Variants in LNX1 observed in about 807,000 individuals in gnomAD.
LNX1 encodes the protein E3 ubiquitin-protein ligase LNX.
A neutral mutation model predicts 68.4 loss-of-function variants in LNX1; 54 were observed. The ratio of observed to expected loss-of-function variants is 0.79; its 90% CI spans 0.63 to 0.99. LNX1 has a LOEUF of 0.99. Among genes scored for constraint, LNX1 ranks in the 50% least tolerant of loss-of-function variants. The probability of loss-of-function intolerance (pLI) is 0.00; values close to 1 mark genes in which losing one functional copy is unlikely to be tolerated. For missense variants in LNX1, 906 were observed against 926.4 expected (o/e 0.98, Z 0.29); for synonymous variants, 336 against 350.0 (o/e 0.96, Z 0.45).
chr4:53,519,633 T>G (rs1727055430), intron 2 of LNX1, among the ~76,000 whole-genome samples: 1 of 144,280 alleles, frequency 6.9e-6, no homozygotes, highest in Non-Finnish European at 1.5e-5. Context: ...TCTTGTTGAT[T>G]TAAGCCCTGT....
At chr4:53,627,635 A>T (rs1394583385) in intron 1 of LNX1, among the ~76,000 whole-genome samples, 1 of 152,240 alleles carries the variant, frequency 6.6e-6, no homozygotes, top group Non-Finnish European at 1.5e-5. Flanking sequence ...AAATAAATGC[A>T]CAGAGGTGAG....
chr4:53,651,095 C>A (rs935616114), intron 1 of LNX1, among the ~76,000 whole-genome samples: 18 of 152,250 alleles, frequency 1.2e-4, no homozygotes, highest in African/African-American at 3.4e-4. Flanking sequence ...GAAGTAGAAC[C>A]AAGAATCAAG....
intron 1 of LNX1, among the ~76,000 whole-genome samples, chr4:53,625,614 T>G (rs1344611956): frequency 2.0e-5 from 3 of 151,992 alleles, no homozygotes; most frequent in Admixed American, 2.0e-4. Flanking sequence ...CTGGGCAACA[T>G]AGTGACACCC....
At chr4:53,522,517 T>A (rs929817365) in intron 2 of LNX1, among the ~76,000 whole-genome samples, 1 of 152,180 alleles carries the variant, frequency 6.6e-6, no homozygotes, top group Non-Finnish European at 1.5e-5. Context: ...TTTTATTACA[T>A]ATTGACACAG....
intron 2 of LNX1, among the ~76,000 whole-genome samples, chr4:53,535,423 A>C (rs553096733): frequency 5.3e-5 from 8 of 152,330 alleles, no homozygotes; most frequent in African/African-American, 1.9e-4. Context: ...AAGAATAGCA[A>C]ACTTTATTTC....
chr4:53,493,463 C>A (rs1237248170), intron 6 of LNX1, among the ~76,000 whole-genome samples: 2 of 152,142 alleles, frequency 1.3e-5, no homozygotes, highest in Admixed American at 1.3e-4. Flanking sequence ...AGGCTAAGTC[C>A]CCTTGTACCC....
At chr4:53,507,256 C>A (rs1725958649) in intron 4 of LNX1, 61 bp downstream of exon 4, 1 of 1,560,918 alleles carries the variant, frequency 6.4e-7, no homozygotes, top group Non-Finnish European at 8.7e-7. Flanking sequence ...ATTGCGTCAT[C>A]CCTGAAGTCC....
intron 1 of LNX1, among the ~76,000 whole-genome samples, chr4:53,588,280 G>A (rs1732298011): frequency 6.6e-6 from 1 of 152,190 alleles, no homozygotes; most frequent in Non-Finnish European, 1.5e-5. Context: ...ACACAGACCT[G>A]TCTGATACTA....
intron 2 of LNX1, chr4:53,558,066 A>G: frequency 6.5e-7 from 1 of 1,541,212 alleles, no homozygotes; most frequent in Non-Finnish European, 8.7e-7. Flanking sequence ...TGCCCCCACA[A>G]TCAGTAGATC....
In LNX1 at chr4:53,461,045, A is replaced by T. The variant is rs1721976798; in HGVS notation, c.2052-3T>A. ...CAGCAAGAAGAATATCACCACATCTAAAAAAAAAAACAAAACAAGATATGA... is the reference window on the plus strand; with the variant it reads ...CAGCAAGAAGAATATCACCACATCTTAAAAAAAAAACAAAACAAGATATGA... On this transcript the variant is annotated splice_polypyrimidine_tract_variant and splice_region_variant and intron_variant, in intron 10 of 10. Coordinates refer to ENST00000263925, the MANE Select transcript of LNX1 (RefSeq NM_001126328.3). The T allele has an allele frequency of 4.0e-6, 4 of 1,011,536 alleles. No homozygotes were observed. The highest frequency in any genetic ancestry group is 3.3e-5 in the East Asian group (1 of 30,162). 62.7% of individuals were successfully genotyped at this position (1,011,536 alleles called of 1,614,324 possible). A position where few individuals can be genotyped will look rare whatever the true frequency, so the allele number is the denominator to read the frequency against.
intron 2 of LNX1, among the ~76,000 whole-genome samples, chr4:53,564,336 C>T (rs1025304639): frequency 5.3e-5 from 8 of 152,154 alleles, no homozygotes; most frequent in African/African-American, 1.9e-4. Context: ...CTAGCCCTTC[C>T]CCTTCCCCAC....
chr4:53,535,996 T>A (rs1415619054), intron 2 of LNX1, among the ~76,000 whole-genome samples: 2 of 152,186 alleles, frequency 1.3e-5, no homozygotes, highest in Non-Finnish European at 2.9e-5. Context: ...GGGACCACAC[T>A]GATAGAAGCC....
intron 9 of LNX1, among the ~76,000 whole-genome samples, chr4:53,466,678 C>A (rs1722708982): frequency 6.6e-6 from 1 of 152,262 alleles, no homozygotes; most frequent in African/African-American, 2.4e-5. Context: ...AAACAGCACA[C>A]CAGGAGATTA....
chr4:53,570,513 G>T (rs1731070503), intron 2 of LNX1, among the ~76,000 whole-genome samples: 1 of 115,290 alleles, frequency 8.7e-6, no homozygotes, highest in Non-Finnish European at 1.7e-5. Context: ...GGGGACTGTT[G>T]TGGGGTGGGG....
chr4:53,621,565 A>G (rs1733882021), upstream of LNX1, among the ~76,000 whole-genome samples: 1 of 152,152 alleles, frequency 6.6e-6, no homozygotes, highest in African/African-American at 2.4e-5. Flanking sequence ...AGTGAATTGT[A>G]CCTAAGGATT....
intron 1 of LNX1, among the ~76,000 whole-genome samples, chr4:53,627,511 A>C (rs1734122746): frequency 6.6e-6 from 1 of 152,234 alleles, no homozygotes; most frequent in African/African-American, 2.4e-5. Flanking sequence ...AAAGTAACTC[A>C]ACCACAGATC....
intron 2 of LNX1, among the ~76,000 whole-genome samples, chr4:53,534,679 C>T (rs1284236590): frequency 1.3e-5 from 2 of 152,118 alleles, no homozygotes; most frequent in Non-Finnish European, 2.9e-5. Context: ...GTATTTTGGT[C>T]ACTTGGCGTA....
At position 53,461,590 on chromosome 4, in the gene LNX1, G is replaced by A; in HGVS notation, c.1896C>T (p.Cys632=). Residue 632 remains cysteine (C), a synonymous_variant, in exon 10 of 11, where the codon TGC becomes TGT. Coordinates refer to ENST00000263925, the MANE Select transcript of LNX1 (RefSeq NM_001126328.3). ...SWVMWLELPR[C]LYNCKDIVLR... is the part of the protein sequence containing the mutation. ...ATACAATATCTTTACAGTTATACAAGCACCTGAAATAGAATGTAATCAGTG... is the reference window on the plus strand; with the variant it reads ...ATACAATATCTTTACAGTTATACAAACACCTGAAATAGAATGTAATCAGTG... 6.2e-7 allele frequency: 1 copy of A among 1,607,804 alleles called. No homozygotes were observed. The highest frequency in any genetic ancestry group is 1.1e-5 in the South Asian group (1 of 90,568).
intron 9 of LNX1, among the ~76,000 whole-genome samples, chr4:53,463,471 T>TCTGA (rs1264013964): frequency 2.6e-5 from 4 of 152,054 alleles, no homozygotes; most frequent in Admixed American, 6.6e-5. Flanking sequence ...GTTAGTTGGG[T>TCTGA]CTGACTTTGT....
Sources: allele counts gnomAD v4.1 joint callset (sites outside exome capture counted in the v4.1 genomes callset), GRCh38; gene constraint gnomAD v4.1.1; transcripts MANE v1.5; gene names NCBI Gene and HGNC (gene_info 2026-07-23, HGNC 2026-07-21).